The following CREB3L2 variants were observed in gnomAD, a reference collection of about 807,000 sequenced individuals.
CREB3L2 encodes the protein cAMP responsive element binding protein 3 like 2.
Under a neutral mutation model 57.2 loss-of-function variants are expected in CREB3L2, and 23 were observed. The observed-to-expected ratio is 0.40, with a 90% confidence interval of 0.29 to 0.57. The LOEUF is 0.57. Among genes scored for constraint, CREB3L2 ranks in the 20% least tolerant of loss-of-function variants. The pLI is 0.42. For synonymous variants in CREB3L2, 268 were observed against 265.1 expected, an observed-to-expected ratio of 1.01 and a Z score of -0.11; for missense variants, 628 against 634.7, an observed-to-expected ratio of 0.99 and a Z score of 0.11.
chr7:137,938,949 A>G (rs767835112), intron 1 of CREB3L2, among the ~76,000 whole-genome samples: 2 of 152,200 alleles, frequency 1.3e-5, no homozygotes, highest in Non-Finnish European at 2.9e-5. Context: ...GTGGCTCCTG[A>G]TAACAAAGGA....
intron 2 of CREB3L2, among the ~76,000 whole-genome samples, chr7:137,927,561 G>A (rs907334176): frequency 5.3e-5 from 8 of 152,180 alleles, no homozygotes; most frequent in Non-Finnish European, 8.8e-5. Context: ...ATTAAGGGCT[G>A]TAGAGTAATG....
intron 8 of CREB3L2, among the ~76,000 whole-genome samples, chr7:137,886,884 A>G (rs1799430722): frequency 6.6e-6 from 1 of 152,146 alleles, no homozygotes; most frequent in Non-Finnish European, 1.5e-5. Context: ...TGAACACTGC[A>G]AGGCATAGAA....
Position 137,879,134 on chromosome 7 carries a change from G to C in CREB3L2, c.*1342C>G. 2.0e-6 allele frequency: 1 copy of C among 502,364 alleles called. No individual in the cohort carries two copies. The highest frequency in any genetic ancestry group is 4.0e-5 in the East Asian group (1 of 25,174). 31.1% of individuals were successfully genotyped at this position (502,364 alleles called of 1,614,324 possible). A position where few individuals can be genotyped will look rare whatever the true frequency, so the allele number is the denominator to read the frequency against. On this transcript the variant is annotated 3_prime_UTR_variant, in exon 12 of 12. Coordinates refer to ENST00000330387, the MANE Select transcript of CREB3L2 (RefSeq NM_194071.4). ...CTTCTTATTTATATGAAAGAGGAAA[G>C]ATTTTTTTAAACTACAAAAGTTACT...
intron 1 of CREB3L2, among the ~76,000 whole-genome samples, chr7:137,932,454 C>T (rs546098675): frequency 1.8e-4 from 27 of 152,190 alleles, no homozygotes; most frequent in African/African-American, 5.1e-4. Flanking sequence ...CCACCTAGGC[C>T]GGGCGCAGTG....
At chr7:137,970,228 A>G (rs1801484081) in intron 1 of CREB3L2, among the ~76,000 whole-genome samples, 1 of 152,276 alleles carries the variant, frequency 6.6e-6, no homozygotes. Flanking sequence ...AGGAGTTATT[A>G]TTATTATTGA....
chr7:137,956,752 T>C, intron 1 of CREB3L2: 1 of 695,070 alleles, frequency 1.4e-6, no homozygotes, highest in Non-Finnish European at 2.2e-6. Flanking sequence ...ACATTTGCGA[T>C]TGCTAGCATA....
chr7:137,915,883 G>C lies in CREB3L2; in HGVS notation c.449C>G (p.Ser150Cys). Residue 150 changes from serine (S) to cysteine (C), a missense_variant, in exon 3 of 12, where the codon TCC becomes TGC. Around this residue, in one of 3 missense-constraint regions of CREB3L2, gnomAD observed 339 missense variants for 355.4 expected, o/e 0.95. Transcript: ENST00000330387. ...AGGTTCCTCCTTTTCCAACGGGGTG[G>C]AGATGGCTGTGATGGTCAGAGTGAC... ...PSVTLTITAI[S>C]TPLEKEEPPL... 1.9e-6 allele frequency: 3 copies of C among 1,614,094 alleles called. No individual in the cohort carries two copies. The highest frequency in any genetic ancestry group is 2.5e-6 in the Non-Finnish European group (3 of 1,179,978).
chr7:137,908,199 G>A, intron 5 of CREB3L2, 53 bp downstream of exon 5: 1 of 1,167,748 alleles, frequency 8.6e-7, no homozygotes, highest in South Asian at 4.4e-5. Context: ...CAGCCCCAGG[G>A]GAATGAATGG....
intron 1 of CREB3L2, among the ~76,000 whole-genome samples, chr7:137,975,051 C>G (rs1409525843): frequency 2.6e-5 from 4 of 152,112 alleles, no homozygotes; most frequent in Admixed American, 6.5e-5. Context: ...ATACTCAGAC[C>G]TTTTAGAAAG....
At chr7:137,882,818 T>G (rs1404735951) in intron 10 of CREB3L2, among the ~76,000 whole-genome samples, 190 bp from the exon 11 acceptor site, 1 of 152,012 alleles carries the variant, frequency 6.6e-6, no homozygotes, top group African/African-American at 2.4e-5. Flanking sequence ...CATTGAAAAA[T>G]TATACCAATT....
At chr7:137,917,760 A>C in intron 2 of CREB3L2, among the ~76,000 whole-genome samples, 1 of 152,198 alleles carries the variant, frequency 6.6e-6, no homozygotes, top group East Asian at 1.9e-4. Context: ...CCAGTTTATA[A>C]TTGATGAATT....
At chr7:137,987,630 G>A (rs1338930117) in intron 1 of CREB3L2, among the ~76,000 whole-genome samples, 3 of 152,190 alleles carry the variant, frequency 2.0e-5, no homozygotes, top group Non-Finnish European at 1.5e-5. Flanking sequence ...AGAGATACAC[G>A]GGAGCTTTTT....
intron 1 of CREB3L2, among the ~76,000 whole-genome samples, chr7:137,976,727 T>C (rs1016852164): frequency 1.3e-5 from 2 of 152,206 alleles, no homozygotes; most frequent in African/African-American, 2.4e-5. Context: ...CCAGACATTT[T>C]AATTTAGTCA....
chr7:137,938,147 G>A (rs1800823100), intron 1 of CREB3L2, among the ~76,000 whole-genome samples: 1 of 152,144 alleles, frequency 6.6e-6, no homozygotes, highest in Non-Finnish European at 1.5e-5. Flanking sequence ...CGACACAAGA[G>A]TGAACCCTAA....
In CREB3L2 at chr7:137,879,363, G is replaced by A. The variant is rs1162461466; in HGVS notation, c.*1113C>T. On this transcript the variant is annotated 3_prime_UTR_variant, in exon 12 of 12. Transcript: ENST00000330387. ...GTGGAGGGAGGAGGGGGCCAGGCAGGTGTGGAAAGCCAGCAAGGTTGTCTG... is the reference window on the plus strand; with the variant it reads ...GTGGAGGGAGGAGGGGGCCAGGCAGATGTGGAAAGCCAGCAAGGTTGTCTG... 5 of 486,812 alleles carry A rather than the reference G, an allele frequency of 1.0e-5. No homozygotes were observed. The highest frequency in any genetic ancestry group is 3.4e-5 in the South Asian group (2 of 58,100). 30.2% of individuals were successfully genotyped at this position (486,812 alleles called of 1,614,324 possible).
intron 3 of CREB3L2, 43 bp downstream of exon 3, chr7:137,915,794 T>C (rs780607063): frequency 2.6e-6 from 4 of 1,545,986 alleles, no homozygotes; most frequent in South Asian, 2.3e-5. Flanking sequence ...TCTATCTGTA[T>C]CTTTTAATCC....
At chr7:137,930,921 T>TC (rs1800601037) in intron 1 of CREB3L2, among the ~76,000 whole-genome samples, 1 of 116,862 alleles carries the variant, frequency 8.6e-6, no homozygotes, top group African/African-American at 2.9e-5. Flanking sequence ...ATGTAGTCAT[T>TC]CCTTTTAAAA....
At chr7:137,953,586 C>A (rs2117274773) in intron 1 of CREB3L2, 2 of 1,110,942 alleles carry the variant, frequency 1.8e-6, no homozygotes, top group Non-Finnish European at 2.4e-6. Flanking sequence ...GAATGTGACT[C>A]TAGAGAAATC....
chr7:137,924,165 C>A (rs1481899121), intron 2 of CREB3L2, among the ~76,000 whole-genome samples: 1 of 152,204 alleles, frequency 6.6e-6, no homozygotes, highest in Non-Finnish European at 1.5e-5. Context: ...TATCCATGTT[C>A]CTGGCCCACC....
Sources: allele counts gnomAD v4.1 joint callset (sites outside exome capture counted in the v4.1 genomes callset), GRCh38; gene constraint gnomAD v4.1.1; regional missense constraint gnomAD v4.1.1; transcripts MANE v1.5; gene names NCBI Gene and HGNC (gene_info 2026-07-23, HGNC 2026-07-21).